The following ARHGAP40 variants were observed in gnomAD, a reference collection of about 807,000 sequenced individuals.
ARHGAP40 encodes the protein rho GTPase-activating protein 40.
Under a neutral mutation model 73.5 loss-of-function variants are expected in ARHGAP40, and 43 were observed. That is an observed-to-expected ratio of 0.58 (90% CI 0.46 to 0.75). The LOEUF (loss-of-function observed/expected upper bound fraction) is 0.75. Ranked by LOEUF, ARHGAP40 falls within the 30% of genes least tolerant of loss-of-function variation. The pLI is 0.00. For missense variants in ARHGAP40, 734 were observed against 861.8 expected (o/e 0.85, Z 1.86); for synonymous variants, 300 against 352.8 (o/e 0.85, Z 1.68).
At chr20:38,632,267 A>ATTT (rs35380499) in intron 5 of ARHGAP40, among the ~76,000 whole-genome samples, 2 of 139,770 alleles carry the variant, frequency 1.4e-5, no homozygotes, top group African/African-American at 5.4e-5. Flanking sequence ...CCCGGCCTAA[A>ATTT]TTTTTTTTTT....
intron 8 of ARHGAP40, 146 bp from the exon 9 acceptor site, chr20:38,639,081 C>A: frequency 1.1e-6 from 1 of 872,744 alleles, no homozygotes; most frequent in Non-Finnish European, 1.6e-6. Flanking sequence ...CACGTTAGAC[C>A]ATTTCGTCCT....
rs368283100 is a variant in ARHGAP40, at chr20:38,646,779, C to T, written c.1711-178C>T. Among the ~76,000 whole-genome samples the T allele has an allele frequency of 5.3e-5, 8 of 152,258 alleles. No individual in the cohort carries two copies. The highest frequency in any genetic ancestry group is 3.4e-3 in the Middle Eastern group (1 of 294). On this transcript the variant is annotated intron_variant, in intron 12 of 14. Transcript: ENST00000373345. The surrounding 1 kb of genome is among the most constrained non-coding windows in gnomAD (Gnocchi z 4.5). ...TAGGCATAGAAACACAAACACACATCTGGAATGTGTATGTCTGTGATCTGT... is the reference window on the plus strand; with the variant it reads ...TAGGCATAGAAACACAAACACACATTTGGAATGTGTATGTCTGTGATCTGT...
chr20:38,640,373 C>A (rs992428279), intron 9 of ARHGAP40, among the ~76,000 whole-genome samples: 2 of 151,840 alleles, frequency 1.3e-5, no homozygotes, highest in Admixed American at 6.6e-5. Flanking sequence ...CATGAGACCA[C>A]GCCTGGCATA....
At chr20:38,616,910 T>C (rs1287301673) in intron 1 of ARHGAP40, among the ~76,000 whole-genome samples, 1 of 151,766 alleles carries the variant, frequency 6.6e-6, no homozygotes, top group African/African-American at 2.4e-5. Context: ...CCTCCTGACA[T>C]GCTGTTAGTA....
chr20:38,639,273 G>T (rs1421885153), exon 9 of ARHGAP40: 1 of 1,305,482 alleles, frequency 7.7e-7, no homozygotes, highest in Non-Finnish European at 1.0e-6. Flanking sequence ...GGCCTTTTTA[G>T]CTGGGACGAG....
intron 1 of ARHGAP40, among the ~76,000 whole-genome samples, chr20:38,621,749 T>A (rs6026865): frequency 0.029 from 4,478 of 152,224 alleles, 245 homozygotes; most frequent in African/African-American, 0.1. Context: ...TAAGGGAAAA[T>A]ATAGCTAACA....
At chr20:38,613,255 G>C (rs147273263) in intron 1 of ARHGAP40, among the ~76,000 whole-genome samples, 1 of 152,078 alleles carries the variant, frequency 6.6e-6, no homozygotes, top group Non-Finnish European at 1.5e-5. Context: ...AATATTTGTC[G>C]TCTCAGAGGT....
chr20:38,618,977 G>A (rs2088859226), intron 1 of ARHGAP40, among the ~76,000 whole-genome samples: 1 of 152,180 alleles, frequency 6.6e-6, no homozygotes, highest in East Asian at 1.9e-4. Context: ...TGTATTCTAG[G>A]CAGTGTTCTA....
In ARHGAP40 at chr20:38,643,910, G is replaced by A. The variant is rs373933646; in HGVS notation, c.1569G>A (p.Thr523=). ...TGCACTACCAGGATCTGCTGTGGAC[G>A]GTGAGTGCTGCTGGGCGCTGGGTAT... The change falls in exon 11 of 15, where the codon ACG becomes ACA. Residue 523 remains threonine, a splice_region_variant and synonymous_variant. Coordinates refer to ENST00000373345, the Ensembl canonical transcript of ARHGAP40. 3.6e-5 allele frequency: 47 copies of A among 1,296,110 alleles called. No homozygotes were observed. In the African/African-American group the frequency reaches 5.3e-4, roughly 15 times the overall value. 80.3% of individuals were successfully genotyped at this position (1,296,110 alleles called of 1,614,324 possible). A position where few individuals can be genotyped will look rare whatever the true frequency, so the allele number is the denominator to read the frequency against.
At chr20:38,645,675 C>T (rs1289744535) in intron 11 of ARHGAP40, among the ~76,000 whole-genome samples, 1 of 152,070 alleles carries the variant, frequency 6.6e-6, no homozygotes, top group East Asian at 1.9e-4. Flanking sequence ...CCAGTGTGGG[C>T]TCTCTGGGGG....
At chr20:38,627,624 T>TATGTGTGTGTTGGGGTGTGTGTGGGG in intron 3 of ARHGAP40, among the ~76,000 whole-genome samples, 3 of 90,454 alleles carry the variant, frequency 3.3e-5, no homozygotes, top group African/African-American at 7.3e-5. Context: ...TGTTGGTGTG[T>TATGTGTGTGTTGGGGTGTGTGTGGGG]GTGTGTTGGG....
intron 1 of ARHGAP40, among the ~76,000 whole-genome samples, chr20:38,611,033 G>A (rs1045517266): frequency 2.0e-5 from 3 of 151,848 alleles, no homozygotes; most frequent in African/African-American, 7.3e-5. Flanking sequence ...GGGATTACAG[G>A]CACCCACCAC....
At chr20:38,617,261 G>A (rs1023121043) in intron 1 of ARHGAP40, among the ~76,000 whole-genome samples, 1 of 152,216 alleles carries the variant, frequency 6.6e-6, no homozygotes, top group African/African-American at 2.4e-5. Flanking sequence ...CGGCTTCCCT[G>A]AACAGGCTCT....
chr20:38,618,556 G>C (rs941990659), intron 1 of ARHGAP40, among the ~76,000 whole-genome samples: 1 of 152,116 alleles, frequency 6.6e-6, no homozygotes, highest in Admixed American at 6.6e-5. Flanking sequence ...ATGATGTCTG[G>C]GGTATCACCT....
chr20:38,603,465 T>C (rs2088751609), intron 1 of ARHGAP40, among the ~76,000 whole-genome samples: 1 of 121,376 alleles, frequency 8.2e-6, no homozygotes, highest in African/African-American at 2.7e-5. Context: ...ATCTATCTAT[T>C]CTATATCTAA....
chr20:38,613,577 C>A (rs555351375), intron 1 of ARHGAP40, among the ~76,000 whole-genome samples: 2 of 152,178 alleles, frequency 1.3e-5, no homozygotes, highest in East Asian at 3.9e-4. Flanking sequence ...GGTGGAGAAG[C>A]ACCCTGCCCT....
intron 2 of ARHGAP40, 38 bp from the exon 3 acceptor site, chr20:38,626,957 G>A: frequency 3.1e-6 from 4 of 1,295,914 alleles, no homozygotes; most frequent in Non-Finnish European, 4.1e-6. Flanking sequence ...TGAGTGCAGA[G>A]CTGTGTGTGT....
At chr20:38,629,151 C>T in intron 4 of ARHGAP40, 149 bp downstream of exon 4, 1 of 685,842 alleles carries the variant, frequency 1.5e-6, no homozygotes, top group Non-Finnish European at 2.1e-6. Flanking sequence ...TAGGGAGGAG[C>T]CCTGAGGGGA....
intron 9 of ARHGAP40, among the ~76,000 whole-genome samples, chr20:38,641,024 A>G (rs7265921): frequency 0.028 from 4,241 of 151,588 alleles, 212 homozygotes; most frequent in African/African-American, 0.098. Context: ...TGAGCACAGC[A>G]CCTGACAGGT....
Sources: gnomAD v4.1 joint callset for allele counts (sites outside exome capture counted in the v4.1 genomes callset) on GRCh38, gnomAD v4.1.1 for gene constraint, Gnocchi (gnomAD v3.1) non-coding constraint, MANE v1.5 for transcripts, NCBI Gene and HGNC (gene_info 2026-07-23, HGNC 2026-07-21) for gene names.